FBLN2: variants seen among roughly 807,000 people sequenced by gnomAD.
FBLN2 encodes fibulin-2.
Under a neutral mutation model 123.7 loss-of-function variants are expected in FBLN2, and 81 were observed. The observed-to-expected ratio is 0.65, with a 90% CI of 0.55 to 0.79. FBLN2 has a LOEUF of 0.79. Ranked by LOEUF, FBLN2 falls within the 30% of genes least tolerant of loss-of-function variation. The pLI, the probability that FBLN2 is intolerant of heterozygous loss-of-function variation, is 0.00. For synonymous variants in FBLN2, 699 were observed against 701.4 expected (o/e 1.00, Z 0.05); for missense variants, 1,603 against 1,681.3 (o/e 0.95, Z 0.81).
chr3:13,614,066 C>T lies in FBLN2; in HGVS notation c.1631C>T (p.Pro544Leu). 6.2e-7 allele frequency: 1 copy of T among 1,613,774 alleles called. No homozygotes were observed. The highest frequency in any genetic ancestry group is 8.5e-7 in the Non-Finnish European group (1 of 1,179,888). The change falls in exon 5 of 18, where the codon CCC becomes CTC. Residue 544 changes from proline (P) to leucine (L), a missense_variant. Pro to Leu is a moderately conservative substitution (Grantham distance 98, BLOSUM62 -3). Coordinates refer to ENST00000404922, the MANE Select transcript of FBLN2 (RefSeq NM_001004019.2). ...SCESNPNLGY[P>L]CNHVMLSCCE... ...GAGTCCAATCCTAACCTGGGCTATC[C>T]CTGCAATCATGTCATGCTCTCCTGC... is the stretch of plus-strand genomic sequence containing the variant.
chr3:13,618,866 A>G (rs751919782), intron 6 of FBLN2, 38 bp from the exon 7 acceptor site: 4 of 1,524,222 alleles, frequency 2.6e-6, no homozygotes, highest in East Asian at 2.3e-5. Context: ...AAGACCTGAG[A>G]CCTCCCTGCA....
intron 2 of FBLN2, among the ~76,000 whole-genome samples, chr3:13,593,423 G>A (rs1465816421): frequency 1.3e-5 from 2 of 152,056 alleles, no homozygotes; most frequent in Non-Finnish European, 2.9e-5. Flanking sequence ...ACCTTTAAGG[G>A]GAAGGTAATT....
intron 1 of FBLN2, among the ~76,000 whole-genome samples, chr3:13,553,381 G>C (rs1010851905): frequency 6.6e-6 from 1 of 152,176 alleles, no homozygotes; most frequent in African/African-American, 2.4e-5. Flanking sequence ...GAGGCGCAGA[G>C]TGGGGCGTGC....
chr3:13,637,480 G>A (rs952219315), intron 17 of FBLN2, 82 bp from the exon 18 acceptor site: 20 of 1,301,234 alleles, frequency 1.5e-5, no homozygotes, highest in African/African-American at 5.9e-5. Flanking sequence ...TGATCCTGCC[G>A]CTGAGCTGTG....
At chr3:13,602,910 C>CTTTTTTT (rs199820446) in intron 2 of FBLN2, among the ~76,000 whole-genome samples, 2 of 148,054 alleles carry the variant, frequency 1.4e-5, no homozygotes. Flanking sequence ...TTCTTTCTTT[C>CTTTTTTT]TTTCTTTTTT....
At chr3:13,612,302 T>TCTTTCTTTCTTTCTTTCTTTC (rs1705422957) in intron 4 of FBLN2, among the ~76,000 whole-genome samples, 1 of 66,478 alleles carries the variant, frequency 1.5e-5, no homozygotes, top group Non-Finnish European at 3.9e-5. Flanking sequence ...TTCCTTTCTT[T>TCTTTCTTTCTTTCTTTCTTTC]CTTTCTTTCT....
intron 5 of FBLN2, among the ~76,000 whole-genome samples, chr3:13,614,479 C>A (rs551129016): frequency 6.6e-6 from 1 of 152,298 alleles, no homozygotes; most frequent in East Asian, 1.9e-4. Flanking sequence ...CTTTTTCCAT[C>A]CATTGCACTT....
intron 1 of FBLN2, among the ~76,000 whole-genome samples, chr3:13,562,745 A>G (rs958614694): frequency 2.6e-5 from 4 of 152,136 alleles, no homozygotes; most frequent in Non-Finnish European, 4.4e-5. Flanking sequence ...GAACTTTTTC[A>G]TTATCCTGAA....
At chr3:13,590,209 A>G (rs1233814652) in intron 2 of FBLN2, among the ~76,000 whole-genome samples, 2 of 152,054 alleles carry the variant, frequency 1.3e-5, no homozygotes, top group African/African-American at 2.4e-5. Flanking sequence ...GGGTCTACCT[A>G]TGTTGCCCAG....
At chr3:13,595,684 C>T (rs1559412328) in intron 2 of FBLN2, among the ~76,000 whole-genome samples, 1 of 152,162 alleles carries the variant, frequency 6.6e-6, no homozygotes, top group Non-Finnish European at 1.5e-5. Context: ...GTGGAAACTT[C>T]TCTGCAGCAT....
intron 2 of FBLN2, among the ~76,000 whole-genome samples, chr3:13,603,127 G>A (rs1182705383): frequency 6.6e-6 from 1 of 151,628 alleles, no homozygotes; most frequent in Non-Finnish European, 1.5e-5. Context: ...TGGCTAGGCT[G>A]GTCTTGAACT....
At chr3:13,596,210 T>G (rs1046601458) in intron 2 of FBLN2, among the ~76,000 whole-genome samples, 1 of 152,200 alleles carries the variant, frequency 6.6e-6, no homozygotes, top group Non-Finnish European at 1.5e-5. Context: ...TGATCACTGC[T>G]CCCTGCAGCC....
At position 13,629,877 on chromosome 3, in the gene FBLN2, C is replaced by T. The variant is rs1199304545; in HGVS notation, c.2900C>T (p.Thr967Ile). ...CTGTGCCAGCACACGTGTGAGAACA[C>T]ACTCGGCTCCTACCGCTGTTCCTGC... ...GRLCQHTCEN[T>I]LGSYRCSCAS... Residue 967 changes from threonine to isoleucine, a missense_variant, in exon 14 of 18, where the codon ACA becomes ATA. Thr to Ile is a moderately conservative substitution (Grantham distance 89). Coordinates refer to ENST00000404922, the MANE Select transcript of FBLN2 (RefSeq NM_001004019.2). The T allele has an allele frequency of 1.0e-5, 16 of 1,599,208 alleles. No individual in the cohort carries two copies. The highest frequency in any genetic ancestry group is 1.3e-5 in the Non-Finnish European group (15 of 1,173,984).
intron 2 of FBLN2, among the ~76,000 whole-genome samples, chr3:13,577,100 G>A (rs539164740): frequency 1.5e-3 from 230 of 152,080 alleles, no homozygotes; most frequent in African/African-American, 5.3e-3. Flanking sequence ...GTAGGCACCT[G>A]TAATCCCAGC....
In FBLN2 at chr3:13,571,130, G is replaced by A. The variant is rs1336754242; in HGVS notation, c.775G>A (p.Ala259Thr). 6.4e-7 allele frequency: 1 copy of A among 1,552,896 alleles called. No individual in the cohort carries two copies. Among genetic ancestry groups the A allele is most frequent in the African/African-American group, 1.4e-5 (1 of 73,152 alleles). The part of the protein sequence containing the change: ...AVLPRPTAAA[A>T]LGPPAPVQAK... ...CCTCCCCAGGCCCACAGCGGCTGCT[G>A]CCCTGGGTCCCCCAGCCCCAGTGCA... The change falls in exon 2 of 18, where the codon GCC becomes ACC. Residue 259 changes from alanine to threonine, a missense_variant. Coordinates refer to ENST00000404922, the MANE Select transcript of FBLN2 (RefSeq NM_001004019.2).
At chr3:13,568,095 G>A (rs1703802958) in intron 1 of FBLN2, among the ~76,000 whole-genome samples, 1 of 152,116 alleles carries the variant, frequency 6.6e-6, no homozygotes, top group Non-Finnish European at 1.5e-5. Flanking sequence ...GTGGCTTTAC[G>A]GAGTCCTCCA....
At position 13,636,582 on chromosome 3, in the gene FBLN2, C is replaced by T. The variant is rs1706480927; in HGVS notation, c.3338+14C>T. The T allele has an allele frequency of 3.7e-6, 6 of 1,612,098 alleles. No individual in the cohort carries two copies. The highest frequency in any genetic ancestry group is 5.1e-6 in the Non-Finnish European group (6 of 1,179,074). On this transcript the variant is annotated intron_variant, in intron 17 of 17. Transcript: ENST00000404922. The stretch of plus-strand genomic sequence containing the variant: ...AGTCTCCAAAACGTGAGTGTCCCCA[C>T]CCCAGTCCCAGTCCCAGGGAGCCTG...
intron 2 of FBLN2, among the ~76,000 whole-genome samples, chr3:13,588,137 A>T (rs1476574750): frequency 6.6e-6 from 1 of 152,180 alleles, no homozygotes; most frequent in Non-Finnish European, 1.5e-5. Flanking sequence ...CTTTTATATC[A>T]TACTCTTACT....
intron 1 of FBLN2, among the ~76,000 whole-genome samples, chr3:13,565,421 A>G (rs903782788): frequency 5.9e-5 from 9 of 152,158 alleles, no homozygotes; most frequent in Non-Finnish European, 1.2e-4. Flanking sequence ...TGTCACCTAA[A>G]TGTCCATTGT....
Sources: gnomAD v4.1 joint callset for allele counts (sites outside exome capture counted in the v4.1 genomes callset) on GRCh38, gnomAD v4.1.1 for gene constraint, MANE v1.5 for transcripts, NCBI Gene and HGNC (gene_info 2026-07-23, HGNC 2026-07-21) for gene names.